EVC2: variants seen among roughly 807,000 people sequenced by gnomAD.
EVC2 encodes limbin.
Under a neutral mutation model 149.3 loss-of-function variants are expected in EVC2, and 148 were observed. The ratio of observed to expected loss-of-function variants is 0.99; its 90% CI spans 0.87 to 1.14. EVC2 has a LOEUF of 1.14. Ranked by LOEUF, EVC2 falls within the 50% of genes most tolerant of loss-of-function variation. EVC2 has a pLI of 0.00. For missense variants in EVC2, 1,854 were observed against 1,627.3 expected, an observed-to-expected ratio of 1.14 and a Z score of -2.40; for synonymous variants, 776 against 649.9, an observed-to-expected ratio of 1.19 and a Z score of -2.95.
chr4:5,628,468 A>G, intron 12 of EVC2, 91 bp downstream of exon 12: 1 of 1,506,376 alleles, frequency 6.6e-7, no homozygotes, highest in Middle Eastern at 2.1e-4. Flanking sequence ...TATCTCTTCT[A>G]TTTATAAATT....
At chr4:5,557,900 A>C (rs1049034908), downstream of EVC2, among the ~76,000 whole-genome samples, 4 of 152,174 alleles carry the variant, frequency 2.6e-5, no homozygotes, top group African/African-American at 9.6e-5. Flanking sequence ...TGATGAAGGT[A>C]ATCAAAAGAT....
Position 5,622,824 on chromosome 4 carries a change from G to A in EVC2, c.2214C>T (p.Thr738=). Residue 738 remains threonine (T), a synonymous_variant, in exon 14 of 22, where the codon ACC becomes ACT. Transcript: ENST00000344408. The surrounding 1 kb of genome is among the most constrained non-coding windows in gnomAD (Gnocchi z 5.8). ...CCTTTTCAAACAGCGAAAGGGTCAG[G>A]GTCCTGAGATCGTCCAGGGCGGCCT... ...LDQAALDDLR[T]LTLSLFEKAT... is the part of the protein sequence containing the mutation. The A allele has an allele frequency of 6.2e-7, 1 of 1,614,056 alleles. No individual in the cohort carries two copies. Among genetic ancestry groups the A allele is most frequent in the Non-Finnish European group, 8.5e-7 (1 of 1,180,022 alleles).
At position 5,657,586 on chromosome 4, in the gene EVC2, C is replaced by T. The variant is rs776450487; in HGVS notation, c.1145+5521G>A. On this transcript the variant is annotated intron_variant, in intron 9 of 21. Transcript: ENST00000344408. This position sits in a 1 kb window ranked among gnomAD's most constrained non-coding sequence, Gnocchi z 4.7. ...AGCCTCAAATTTTCTCTGCAGGCGA[C>T]TTTCCACCAAGAACACCATTGTGTA... 1.3e-5 allele frequency among the ~76,000 whole-genome samples: 2 copies of T among 152,024 alleles called. No individual in the cohort carries two copies. Among genetic ancestry groups the T allele is most frequent in the Non-Finnish European group, 2.9e-5 (2 of 68,016 alleles).
rs1373707104 is a variant in EVC2 at position 5,567,791 on chromosome 4, T to G, written c.3557+653A>C. 6.6e-6 allele frequency among the ~76,000 whole-genome samples: 1 copy of G among 151,670 alleles called. No homozygotes were observed. The highest frequency in any genetic ancestry group is 1.5e-5 in the Non-Finnish European group (1 of 68,030). ...ATGCTCTATGCTACACCCCTTAGCA[T>G]GAGGAGCCAGTAAAAATAATATCCA... On this transcript the variant is annotated intron_variant, in intron 20 of 21. Coordinates refer to ENST00000344408, the MANE Select transcript of EVC2 (RefSeq NM_147127.5). This position sits in a 1 kb window ranked among gnomAD's most constrained non-coding sequence, Gnocchi z 4.4.
rs1299843931 is a variant in EVC2, at chr4:5,665,528, A to G, written c.992T>C (p.Leu331Pro). The change falls in exon 8 of 22, where the codon CTC becomes CCC. Residue 331 changes from leucine (L) to proline (P), a missense_variant. By Grantham distance (98) the Leu-to-Pro change is moderately conservative (BLOSUM62 -3). Transcript: ENST00000344408. ...GGGAAGACTCACCCGATGTCTGGTG[A>G]GCATGTTTCCCTTCAGACACTGATA... ...VRYQCLKGNM[L>P]TRHRVWQYES... 3.2e-5 allele frequency: 52 copies of G among 1,614,162 alleles called. 1 individual carries two copies. The East Asian group carries it at 1.1e-3, about 35-fold the overall frequency.
chr4:5,685,366 A>G lies in EVC2; in HGVS notation c.816+4T>C, dbSNP rs768028173. ...GACAGAGATTAAAGTAACAAAGGTC[A>G]TACCCGTGACGAGCTCTGAAAGGTG... On this transcript the variant is annotated splice_donor_region_variant and intron_variant, in intron 6 of 21. Coordinates refer to ENST00000344408, the MANE Select transcript of EVC2 (RefSeq NM_147127.5). 1.2e-6 allele frequency: 2 copies of G among 1,613,904 alleles called. No individual in the cohort carries two copies. The highest frequency in any genetic ancestry group is 3.3e-5 in the Admixed American group (2 of 60,028).
chr4:5,573,594 C>T (rs559960621), intron 19 of EVC2, among the ~76,000 whole-genome samples: 9 of 152,300 alleles, frequency 5.9e-5, no homozygotes, highest in African/African-American at 2.2e-4. Context: ...GCAAATCCGC[C>T]AACACCTTGA....
Position 5,663,152 on chromosome 4 carries a change from A to C in EVC2, c.1100T>G (p.Ile367Ser). 6.2e-7 allele frequency: 1 copy of C among 1,614,192 alleles called. No individual in the cohort carries two copies. Among genetic ancestry groups the C allele is most frequent in the Non-Finnish European group, 8.5e-7 (1 of 1,180,026 alleles). ...GCTCCCAGGGTCCTCGGAAGACAGAATGTCTATCATTTGGTCGTTAAGGGA... is the reference window on the plus strand; with the variant it reads ...GCTCCCAGGGTCCTCGGAAGACAGACTGTCTATCATTTGGTCGTTAAGGGA... ...DLSLNDQMID[I>S]LSSEDPGSML... Residue 367 changes from isoleucine (I) to serine (S), a missense_variant, in exon 9 of 22, where the codon ATT (isoleucine) becomes AGT (serine). Ile to Ser is a moderately radical substitution (Grantham distance 142). Coordinates refer to ENST00000344408, the MANE Select transcript of EVC2 (RefSeq NM_147127.5).
intron 9 of EVC2, among the ~76,000 whole-genome samples, chr4:5,660,814 C>G (rs971269788): frequency 6.6e-6 from 1 of 152,144 alleles, no homozygotes; most frequent in Non-Finnish European, 1.5e-5. Context: ...TGTGCCTGAG[C>G]CTAAATAGTG....
chr4:5,563,675 G>C (rs1722091089), intron 21 of EVC2, among the ~76,000 whole-genome samples: 1 of 152,002 alleles, frequency 6.6e-6, no homozygotes, highest in South Asian at 2.1e-4. Context: ...CTGTCATCAT[G>C]TTGTTAGTGT....
rs1715435004 is a variant in EVC2, at chr4:5,618,486, C to A, written c.2698G>T (p.Glu900Ter). ...VKLDQAVAAPELQQQSKVRKS... is the reference protein window; with the variant it reads ...VKLDQAVAAP ...TGACAGGTCCATCCTACCTGCAGCTCAGGGGCAGCCACGGCCTGGTCCAGC... is the reference window on the plus strand; with the variant it reads ...TGACAGGTCCATCCTACCTGCAGCTAAGGGGCAGCCACGGCCTGGTCCAGC... Residue 900 changes from glutamate to a stop codon, truncating the protein, a stop_gained, in exon 15 of 22, where the codon GAG becomes TAG. Transcript: ENST00000344408. LOFTEE classifies it high-confidence loss of function. This position sits in a 1 kb window ranked among gnomAD's most constrained non-coding sequence, Gnocchi z 4.4. 1 of 1,612,866 alleles carries A rather than the reference C, an allele frequency of 6.2e-7. No individual in the cohort carries two copies. Among genetic ancestry groups the A allele is most frequent in the Non-Finnish European group, 8.5e-7 (1 of 1,180,038 alleles).
chr4:5,546,389 A>C (rs1041647116), intron 21 of EVC2, among the ~76,000 whole-genome samples: 1 of 152,224 alleles, frequency 6.6e-6, no homozygotes, highest in African/African-American at 2.4e-5. Flanking sequence ...CAGCCATAAA[A>C]AAATGATGAG....
chr4:5,597,041 T>C lies in EVC2; in HGVS notation c.2830-12191A>G, dbSNP rs1341886498. ...AAGAAGCTGAAATCTCGGAATAGAC[T>C]AATAACAGGCTCTGAAACTGTGGCA... On this transcript the variant is annotated intron_variant, in intron 16 of 21. Transcript: ENST00000344408. Among the ~76,000 whole-genome samples, 10 of 152,224 alleles carry C rather than the reference T, an allele frequency of 6.6e-5. No individual in the cohort carries two copies. In the East Asian group the frequency reaches 1.9e-3, roughly 30 times the overall value.
intron 16 of EVC2, among the ~76,000 whole-genome samples, chr4:5,591,899 A>AAGTT (rs1474959250): frequency 2.2e-4 from 34 of 152,330 alleles, no homozygotes; most frequent in Non-Finnish European, 3.7e-4. Flanking sequence ...TTTAAACGAG[A>AAGTT]AGTTCAAACA....
intron 1 of EVC2, among the ~76,000 whole-genome samples, chr4:5,704,911 T>C (rs1475632311): frequency 6.6e-6 from 1 of 152,066 alleles, no homozygotes; most frequent in Non-Finnish European, 1.5e-5. Context: ...GGTCTCACTA[T>C]GTTTCCCAGG....
chr4:5,625,970 T>C lies in EVC2; in HGVS notation c.1887-62A>G, dbSNP rs1716079015. On this transcript the variant is annotated intron_variant, in intron 12 of 21. Coordinates refer to ENST00000344408, the MANE Select transcript of EVC2 (RefSeq NM_147127.5). This position sits in a 1 kb window ranked among gnomAD's most constrained non-coding sequence, Gnocchi z 4.0. ...CCAAACTCACCTGTAGCTTAACTGC[T>C]ATTGTGCCTGAACATTCATCTCCAT... 2 of 1,592,850 alleles carry C rather than the reference T, an allele frequency of 1.3e-6. No individual in the cohort carries two copies. The highest frequency in any genetic ancestry group is 2.2e-5 in the South Asian group (2 of 90,520).
chr4:5,647,778 A>G (rs1356629260), intron 9 of EVC2, among the ~76,000 whole-genome samples: 1 of 152,228 alleles, frequency 6.6e-6, no homozygotes, highest in African/African-American at 2.4e-5. Context: ...TTCATGGCAA[A>G]GGGGAATTAA....
At chr4:5,601,780 CA>C (rs1236766648) in intron 16 of EVC2, among the ~76,000 whole-genome samples, 5 of 152,136 alleles carry the variant, frequency 3.3e-5, no homozygotes, top group Non-Finnish European at 7.4e-5. Flanking sequence ...TCACTAACAA[CA>C]ACGATAAAAC....
intron 1 of EVC2, among the ~76,000 whole-genome samples, chr4:5,702,810 G>A (rs1478307820): frequency 6.6e-6 from 1 of 152,226 alleles, no homozygotes; most frequent in Non-Finnish European, 1.5e-5. Context: ...GGTTAGACAA[G>A]TCTGGGTGGA....
Sources: gnomAD v4.1 joint callset for allele counts (sites outside exome capture counted in the v4.1 genomes callset) on GRCh38, gnomAD v4.1.1 for gene constraint, Gnocchi (gnomAD v3.1) non-coding constraint, MANE v1.5 for transcripts, NCBI Gene and HGNC (gene_info 2026-07-23, HGNC 2026-07-21) for gene names.